The following MEMO1 variants were observed in gnomAD, a reference collection of about 807,000 sequenced individuals.
The protein encoded by MEMO1 is protein MEMO1.
Under a neutral mutation model 45.2 loss-of-function variants are expected in MEMO1, and 6 were observed. That is an observed-to-expected ratio of 0.13 (90% confidence interval 0.07 to 0.26). The LOEUF is 0.26. Ranked by LOEUF, MEMO1 falls within the 10% of genes least tolerant of loss-of-function variation. The probability of loss-of-function intolerance (pLI) is 1.00; values close to 1 mark genes in which losing one functional copy is unlikely to be tolerated. For missense variants in MEMO1, 184 were observed against 370.5 expected (o/e 0.50, Z 4.13); for synonymous variants, 78 against 124.3 (o/e 0.63, Z 2.48).
intron 2 of MEMO1, among the ~76,000 whole-genome samples, chr2:31,999,299 T>A (rs1162063445): frequency 1.3e-5 from 2 of 152,038 alleles, no homozygotes; most frequent in African/African-American, 4.8e-5. Context: ...GCCAAGTAAT[T>A]ATATTAAATC....
rs1433538447 is a variant in MEMO1 at position 31,993,592 on chromosome 2, T to C, written c.61+16595A>G. Among the ~76,000 whole-genome samples the C allele has an allele frequency of 3.3e-5, 5 of 152,176 alleles. No homozygotes were observed. In the East Asian group the frequency reaches 9.6e-4, roughly 29 times the overall value. On this transcript the variant is annotated intron_variant, in intron 2 of 9. Transcript: ENST00000404530. ...GAGGAAGCTAAACAACAAAGAACTC[T>C]GGAAATCTGCAAAGGGGTTCACTCA...
chr2:31,953,519 G>A (rs559819681), intron 2 of MEMO1, among the ~76,000 whole-genome samples: 92 of 150,704 alleles, frequency 6.1e-4, no homozygotes, highest in South Asian at 5.9e-3. Flanking sequence ...GCAGAGGCAC[G>A]ATCTTGGCTC....
chr2:32,001,344 G>A (rs1188750344), intron 2 of MEMO1, among the ~76,000 whole-genome samples: 1 of 151,992 alleles, frequency 6.6e-6, no homozygotes, highest in Non-Finnish European at 1.5e-5. Context: ...CGGCAGAAGT[G>A]CCATAAATTT....
intron 2 of MEMO1, among the ~76,000 whole-genome samples, chr2:31,970,039 T>G (rs1049365523): frequency 1.3e-5 from 2 of 152,134 alleles, no homozygotes; most frequent in African/African-American, 4.8e-5. Context: ...TGGCGCCATC[T>G]CAGTTCACTG....
intron 2 of MEMO1, among the ~76,000 whole-genome samples, chr2:31,976,068 A>G (rs1003316349): frequency 6.6e-6 from 1 of 152,106 alleles, no homozygotes; most frequent in African/African-American, 2.4e-5. Flanking sequence ...TTTAATTGCA[A>G]TTACTTTTAA....
At chr2:31,930,190 G>A (rs886196363) in intron 4 of MEMO1, among the ~76,000 whole-genome samples, 1 of 152,122 alleles carries the variant, frequency 6.6e-6, no homozygotes, top group African/African-American at 2.4e-5. Flanking sequence ...CTGAACCTGG[G>A]GGCAGAAGTT....
intron 6 of MEMO1, among the ~76,000 whole-genome samples, chr2:31,897,101 T>G (rs1353764342): frequency 2.6e-5 from 4 of 152,250 alleles, no homozygotes; most frequent in Non-Finnish European, 4.4e-5. Context: ...AAGTTGCTTA[T>G]CAGCTTAAGG....
At chr2:31,927,091 G>A (rs1218478682) in intron 4 of MEMO1, among the ~76,000 whole-genome samples, 1 of 152,138 alleles carries the variant, frequency 6.6e-6, no homozygotes, top group Non-Finnish European at 1.5e-5. Context: ...CGCACTTTGA[G>A]AGGCCGAGGC....
At chr2:31,898,813 G>A (rs1012918671) in intron 6 of MEMO1, among the ~76,000 whole-genome samples, 4 of 152,078 alleles carry the variant, frequency 2.6e-5, no homozygotes, top group South Asian at 4.1e-4. Flanking sequence ...ATAATGGGGC[G>A]GTAAGTCTCC....
chr2:31,935,606 T>TAC (rs1201222487), intron 3 of MEMO1, among the ~76,000 whole-genome samples: 2 of 152,162 alleles, frequency 1.3e-5, no homozygotes, highest in Non-Finnish European at 2.9e-5. Context: ...CAAAGAACTC[T>TAC]ACTTCATCAA....
chr2:31,999,595 G>A (rs552305723), intron 2 of MEMO1, among the ~76,000 whole-genome samples: 20 of 152,202 alleles, frequency 1.3e-4, no homozygotes, highest in African/African-American at 3.6e-4. Flanking sequence ...GCTTGAGCAC[G>A]GGAGGTTAAG....
chr2:31,969,321 T>G (rs1669004350), intron 2 of MEMO1, among the ~76,000 whole-genome samples: 2 of 150,442 alleles, frequency 1.3e-5, no homozygotes, highest in African/African-American at 4.9e-5. Flanking sequence ...TATACATGTG[T>G]GATATGTGTG....
intron 2 of MEMO1, among the ~76,000 whole-genome samples, chr2:31,981,300 ACT>A (rs1670612509): frequency 6.6e-6 from 1 of 151,442 alleles, no homozygotes; most frequent in African/African-American, 2.4e-5. Context: ...TTCCTCAACC[ACT>A]CTCTGTCTTC....
chr2:31,902,687 AT>A (rs1385944284), intron 6 of MEMO1, among the ~76,000 whole-genome samples: 1 of 152,162 alleles, frequency 6.6e-6, no homozygotes, highest in African/African-American at 2.4e-5. Flanking sequence ...CAGGAAATGT[AT>A]CAATCCAAGA....
chr2:31,891,647 AT>A (rs773574294), intron 7 of MEMO1, among the ~76,000 whole-genome samples: 6 of 152,240 alleles, frequency 3.9e-5, no homozygotes, highest in Non-Finnish European at 7.4e-5. Flanking sequence ...AGAACATTGG[AT>A]TTATCCACCA....
chr2:31,993,341 T>C (rs937926062), intron 2 of MEMO1, among the ~76,000 whole-genome samples: 3 of 152,172 alleles, frequency 2.0e-5, no homozygotes, highest in Non-Finnish European at 2.9e-5. Flanking sequence ...CATATAAATA[T>C]GCATTGCATT....
intron 2 of MEMO1, among the ~76,000 whole-genome samples, chr2:31,983,963 G>A (rs1245314127): frequency 2.0e-5 from 3 of 152,202 alleles, no homozygotes; most frequent in African/African-American, 7.2e-5. Flanking sequence ...CAACAAAATA[G>A]TGTGGGATTG....
intron 8 of MEMO1, among the ~76,000 whole-genome samples, chr2:31,878,040 C>A (rs920456730): frequency 1.3e-5 from 2 of 152,112 alleles, no homozygotes; most frequent in Admixed American, 6.5e-5. Context: ...AAAAGTGGAA[C>A]AGGGTACGGT....
At chr2:31,929,501 G>C (rs74330457) in intron 4 of MEMO1, among the ~76,000 whole-genome samples, 4 of 152,134 alleles carry the variant, frequency 2.6e-5, no homozygotes, top group African/African-American at 9.7e-5. Flanking sequence ...CTCCAGATAT[G>C]TTAATACCCT....
Sources: gnomAD v4.1 joint callset for allele counts (sites outside exome capture counted in the v4.1 genomes callset) on GRCh38, gnomAD v4.1.1 for gene constraint, MANE v1.5 for transcripts, NCBI Gene and HGNC (gene_info 2026-07-23, HGNC 2026-07-21) for gene names.